CACNA2D3: variants seen among roughly 807,000 people sequenced by gnomAD.
The protein encoded by CACNA2D3 is voltage-dependent calcium channel subunit alpha-2/delta-3.
Under a neutral mutation model 160.6 loss-of-function variants are expected in CACNA2D3, and 60 were observed. The observed-to-expected ratio is 0.37, with a 90% confidence interval of 0.30 to 0.46. The LOEUF is 0.46. Among genes scored for constraint, CACNA2D3 ranks in the 20% least tolerant of loss-of-function variants. The pLI is 1.00. For missense variants in CACNA2D3, 1,205 were observed against 1,365.0 expected, an observed-to-expected ratio of 0.88 and a Z score of 1.85; for synonymous variants, 558 against 492.9, an observed-to-expected ratio of 1.13 and a Z score of -1.75.
chr3:54,832,011 TCACA>T (rs60020847), intron 14 of CACNA2D3, among the ~76,000 whole-genome samples: 2,253 of 118,876 alleles, frequency 0.019, 50 homozygotes, highest in South Asian at 0.028. Context: ...CTCTTCTCTG[TCACA>T]CACACACACA....
intron 11 of CACNA2D3, among the ~76,000 whole-genome samples, chr3:54,727,927 G>T (rs1372454321): frequency 1.3e-5 from 2 of 152,062 alleles, no homozygotes; most frequent in Non-Finnish European, 2.9e-5. Flanking sequence ...GATATGTTCT[G>T]TCATTTTAGA....
intron 3 of CACNA2D3, among the ~76,000 whole-genome samples, chr3:54,328,565 A>T (rs957037515): frequency 6.6e-6 from 1 of 151,972 alleles, no homozygotes; most frequent in Non-Finnish European, 1.5e-5. Flanking sequence ...TACAGGCATG[A>T]GCCACCACGC....
At chr3:54,451,229 CTT>C (rs71074970) in intron 4 of CACNA2D3, among the ~76,000 whole-genome samples, 199 of 51,648 alleles carry the variant, frequency 3.9e-3, no homozygotes, top group South Asian at 5.1e-3. Flanking sequence ...ATATAATAAT[CTT>C]TTTTTTTTTT....
chr3:54,872,081 C>T (rs948327671), intron 18 of CACNA2D3, among the ~76,000 whole-genome samples: 5 of 152,202 alleles, frequency 3.3e-5, no homozygotes, highest in African/African-American at 1.2e-4. Context: ...CAGAGTACAG[C>T]CCAGGGCTCT....
intron 2 of CACNA2D3, among the ~76,000 whole-genome samples, chr3:54,308,403 A>T (rs1394388709): frequency 1.3e-5 from 2 of 152,142 alleles, no homozygotes; most frequent in Non-Finnish European, 2.9e-5. Flanking sequence ...GGAGTTCAAG[A>T]AGCAGGTACA....
chr3:54,858,303 A>C (rs527867798), intron 17 of CACNA2D3, among the ~76,000 whole-genome samples: 1 of 152,188 alleles, frequency 6.6e-6, no homozygotes, highest in African/African-American at 2.4e-5. Flanking sequence ...GCTGGCTTCT[A>C]ACTTGCCCAG....
chr3:54,333,456 T>G (rs140205327), intron 3 of CACNA2D3, among the ~76,000 whole-genome samples: 2,373 of 152,168 alleles, frequency 0.016, 37 homozygotes, highest in Non-Finnish European at 0.02. Flanking sequence ...GGTATTGATG[T>G]ATATGCACCT....
intron 9 of CACNA2D3, among the ~76,000 whole-genome samples, chr3:54,611,837 A>T (rs1347884348): frequency 2.6e-5 from 4 of 152,204 alleles, no homozygotes; most frequent in Non-Finnish European, 5.9e-5. Context: ...CGCATATTGG[A>T]GTTATGTGGC....
chr3:54,602,741 T>G (rs887217797), intron 9 of CACNA2D3, among the ~76,000 whole-genome samples: 4 of 152,176 alleles, frequency 2.6e-5, no homozygotes, highest in African/African-American at 9.7e-5. Flanking sequence ...TCCTGAATTA[T>G]GATAGAGATT....
chr3:54,628,583 G>C (rs542156410), intron 10 of CACNA2D3, among the ~76,000 whole-genome samples: 1 of 152,264 alleles, frequency 6.6e-6, no homozygotes, highest in South Asian at 2.1e-4. Context: ...ACAATAACAG[G>C]GAGGCCATTA....
At chr3:55,051,363 G>A (rs1300364857) in intron 35 of CACNA2D3, among the ~76,000 whole-genome samples, 3 of 148,894 alleles carry the variant, frequency 2.0e-5, no homozygotes, top group South Asian at 4.2e-4. Flanking sequence ...ATACCCTACC[G>A]TGTGAGGTGT....
intron 28 of CACNA2D3, among the ~76,000 whole-genome samples, chr3:54,969,483 C>G (rs556349323): frequency 6.6e-6 from 1 of 152,144 alleles, no homozygotes; most frequent in East Asian, 1.9e-4. Flanking sequence ...TGGTCTCGAA[C>G]TCCTGACCTC....
chr3:55,040,839 A>C (rs1206808460), intron 35 of CACNA2D3, among the ~76,000 whole-genome samples: 1 of 152,198 alleles, frequency 6.6e-6, no homozygotes, highest in Non-Finnish European at 1.5e-5. Context: ...CAATGCCACA[A>C]CCACAAAATG....
At chr3:54,667,152 C>T (rs1700081845) in intron 11 of CACNA2D3, among the ~76,000 whole-genome samples, 1 of 152,190 alleles carries the variant, frequency 6.6e-6, no homozygotes, top group Non-Finnish European at 1.5e-5. Flanking sequence ...ATAACTGGTA[C>T]ATGAACACTG....
intron 5 of CACNA2D3, among the ~76,000 whole-genome samples, chr3:54,508,013 G>A (rs1392116136): frequency 6.6e-6 from 1 of 152,246 alleles, no homozygotes; most frequent in Non-Finnish European, 1.5e-5. Flanking sequence ...TCACCCAGGT[G>A]ATGGCATTAA....
chr3:54,371,266 G>T (rs1698921632), intron 3 of CACNA2D3, among the ~76,000 whole-genome samples: 1 of 151,954 alleles, frequency 6.6e-6, no homozygotes, highest in African/African-American at 2.4e-5. Context: ...GGTAACTCTT[G>T]TATTTAACCT....
intron 11 of CACNA2D3, among the ~76,000 whole-genome samples, chr3:54,689,010 A>AAAAAAGAG (rs1553785965): frequency 0.026 from 2,234 of 85,444 alleles, 678 homozygotes; most frequent in Non-Finnish European, 0.034. Flanking sequence ...AAAAAAAAAA[A>AAAAAAGAG]AGAATGAGGT....
intron 11 of CACNA2D3, among the ~76,000 whole-genome samples, chr3:54,746,748 C>T (rs1701759833): frequency 6.6e-6 from 1 of 152,132 alleles, no homozygotes; most frequent in South Asian, 2.1e-4. Context: ...TTTTTTGAGG[C>T]TCATAAGTGC....
intron 35 of CACNA2D3, among the ~76,000 whole-genome samples, chr3:55,062,280 CTTTTTTT>C (rs10693110): frequency 2.1e-5 from 3 of 139,866 alleles, no homozygotes; most frequent in Non-Finnish European, 3.1e-5. Flanking sequence ...TCATATCTGT[CTTTTTTT>C]TTTTTTTTGA....
Sources: gnomAD v4.1 joint callset for allele counts (sites outside exome capture counted in the v4.1 genomes callset) on GRCh38, gnomAD v4.1.1 for gene constraint, MANE v1.5 for transcripts, NCBI Gene and HGNC (gene_info 2026-07-23, HGNC 2026-07-21) for gene names.